SALL3: variants seen among roughly 807,000 people sequenced by gnomAD.
SALL3 encodes spalt like transcription factor 3, also known as sal-like protein 3.
Under a neutral mutation model 66.2 loss-of-function variants are expected in SALL3, and 25 were observed. That is an observed-to-expected ratio of 0.38 (90% CI 0.28 to 0.53). The LOEUF is 0.53. Ranked by LOEUF, SALL3 falls within the 20% of genes least tolerant of loss-of-function variation. The pLI is 0.85. For synonymous variants in SALL3, 1,152 were observed against 899.1 expected, an observed-to-expected ratio of 1.28 and a Z score of -5.03; for missense variants, 2,194 against 1,916.5, an observed-to-expected ratio of 1.14 and a Z score of -2.70.
At position 78,991,827 on chromosome 18, in the gene SALL3, C is replaced by T. The variant is rs908389770; in HGVS notation, c.83-247C>T. ...CAGATTGTATGAAAATATTGGAAAT[C>T]AATGGCTTCTATGGAATTTCATTAA... On this transcript the variant is annotated intron_variant, in intron 1 of 2. Coordinates refer to ENST00000537592, the MANE Select transcript of SALL3 (RefSeq NM_171999.4). The T allele has an allele frequency of 9.7e-6, 4 of 413,230 alleles. No individual in the cohort carries two copies. The Admixed American group carries it at 1.3e-4, about 13-fold the overall frequency. The allele number at this position is 413,230 out of a possible 1,614,324, so 25.6% of individuals were successfully genotyped here. A position where few individuals can be genotyped will look rare whatever the true frequency, so the allele number is the denominator to read the frequency against.
rs369156685 is a variant in SALL3 at position 78,993,956 on chromosome 18, G to A, written c.1965G>A (p.Ser655=). ...TTCCGTTCGGGGGGCTGCTAGACTC[G>A]ATGCAAACGTCGGAAACCTCGAAGC... is the stretch of plus-strand genomic sequence containing the variant. The part of the protein sequence containing the change: ...AQFPFGGLLD[S]MQTSETSKLQ... Residue 655 remains serine (S), a synonymous_variant, in exon 2 of 3, where the codon TCG becomes TCA. Coordinates refer to ENST00000537592, the MANE Select transcript of SALL3 (RefSeq NM_171999.4). 1.1e-5 allele frequency: 18 copies of A among 1,611,198 alleles called. No homozygotes were observed. The East Asian group carries it at 1.3e-4, about 12-fold the overall frequency.
rs570309000 is a variant in SALL3 at position 78,993,124 on chromosome 18, T to C, written c.1133T>C (p.Val378Ala). 459 of 1,605,258 alleles carry C rather than the reference T, an allele frequency of 2.9e-4. 4 individuals are homozygous for C. In the South Asian group the frequency reaches 4.8e-3, roughly 17 times the overall value. Residue 378 changes from valine (V) to alanine (A), a missense_variant, in exon 2 of 3, where the codon GTC (valine) becomes GCC (alanine). By Grantham distance (64) the Val-to-Ala change is moderately conservative. Coordinates refer to ENST00000537592, the MANE Select transcript of SALL3 (RefSeq NM_171999.4). ...GGCGTCATCTTCCCCAACCCGCTGG[T>C]CAGCATCGCGGCCACGGCCAACGCT... is the stretch of plus-strand genomic sequence containing the variant. The part of the protein sequence containing the change: ...ASGVIFPNPL[V>A]SIAATANALD...
intron 1 of SALL3, among the ~76,000 whole-genome samples, chr18:78,981,394 G>T (rs1307862890): frequency 2.0e-5 from 3 of 152,216 alleles, no homozygotes; most frequent in Non-Finnish European, 2.9e-5. Context: ...AAAAAAACAG[G>T]CAGGCCAACT....
In SALL3 at chr18:78,994,988, T is replaced by C; in HGVS notation, c.2997T>C (p.His999=). 1 of 1,613,860 alleles carries C rather than the reference T, an allele frequency of 6.2e-7. No individual in the cohort carries two copies. The highest frequency in any genetic ancestry group is 1.3e-5 in the African/African-American group (1 of 75,048). ...KSALEIHYRS[H]TKERPFVCAL... ...CGTTGGAAATCCACTACCGCAGCCA[T>C]ACTAAGGAGCGGCCATTCGTCTGCG... is the stretch of plus-strand genomic sequence containing the variant. The change falls in exon 2 of 3, where the codon CAT becomes CAC. Residue 999 remains histidine (H), a synonymous_variant. Transcript: ENST00000537592.
intron 1 of SALL3, among the ~76,000 whole-genome samples, chr18:78,982,943 A>C (rs1009516656): frequency 3.9e-5 from 6 of 152,244 alleles, no homozygotes; most frequent in African/African-American, 1.2e-4. Flanking sequence ...CACTCACATT[A>C]ATTTACAGCA....
chr18:78,981,072 C>T (rs984642911), intron 1 of SALL3, among the ~76,000 whole-genome samples: 2 of 152,340 alleles, frequency 1.3e-5, no homozygotes, highest in African/African-American at 2.4e-5. Flanking sequence ...CCGCCGAGGC[C>T]GGGCGCTGGA....
chr18:78,990,201 G>T (rs1028040978), intron 1 of SALL3, among the ~76,000 whole-genome samples: 3 of 152,096 alleles, frequency 2.0e-5, no homozygotes, highest in African/African-American at 7.2e-5. Flanking sequence ...CTGTGTCTTT[G>T]CTTCCAGCTA....
chr18:78,993,643 G>C lies in SALL3; in HGVS notation c.1652G>C (p.Arg551Pro). 2 of 1,587,478 alleles carry C rather than the reference G, an allele frequency of 1.3e-6. No homozygotes were observed. The highest frequency in any genetic ancestry group is 1.7e-6 in the Non-Finnish European group (2 of 1,174,316). The part of the protein sequence containing the change: ...ADSPSATPAS[R>P]SPQRPSPASS... Reference sequence around the variant, plus strand: ...TCTCCCAGCGCCACCCCAGCCAGCCGCTCCCCGCAGAGGCCCTCGCCCGCC... The same window carrying C: ...TCTCCCAGCGCCACCCCAGCCAGCCCCTCCCCGCAGAGGCCCTCGCCCGCC... The change falls in exon 2 of 3, where the codon CGC becomes CCC. Residue 551 changes from arginine (R) to proline (P), a missense_variant. Transcript: ENST00000537592.
Position 78,994,740 on chromosome 18 carries a change from T to C in SALL3, c.2749T>C (p.Ser917Pro). The C allele has an allele frequency of 6.2e-7, 1 of 1,602,632 alleles. No homozygotes were observed. The highest frequency in any genetic ancestry group is 8.5e-7 in the Non-Finnish European group (1 of 1,179,008). ...PAPSNGESFR[S>P]KSPGLGAPEE... ...CCCCAGCAATGGTGAGAGCTTCCGCTCCAAGTCCCCGGGCCTGGGCGCCCC... is the reference window on the plus strand; with the variant it reads ...CCCCAGCAATGGTGAGAGCTTCCGCCCCAAGTCCCCGGGCCTGGGCGCCCC... Residue 917 changes from serine to proline, a missense_variant, in exon 2 of 3, where the codon TCC (serine) becomes CCC (proline). Ser to Pro is a moderately conservative substitution (Grantham distance 74). Coordinates refer to ENST00000537592, the MANE Select transcript of SALL3 (RefSeq NM_171999.4).
chr18:78,997,546 A>G lies in SALL3; in HGVS notation c.*224A>G. 1.9e-6 allele frequency: 1 copy of G among 538,056 alleles called. No homozygotes were observed. The highest frequency in any genetic ancestry group is 3.2e-6 in the Non-Finnish European group (1 of 308,640). The allele number at this position is 538,056 out of a possible 1,614,324, so 33.3% of individuals were successfully genotyped here. A position where few individuals can be genotyped will look rare whatever the true frequency, so the allele number is the denominator to read the frequency against. Reference sequence around the variant, plus strand: ...AATCTTTTAAATAAGCTTCCTTCAAAAAAAAAAGTGCTTGGAAAACCGCCT... The same window carrying G: ...AATCTTTTAAATAAGCTTCCTTCAAGAAAAAAAGTGCTTGGAAAACCGCCT... On this transcript the variant is annotated 3_prime_UTR_variant, in exon 3 of 3. Transcript: ENST00000537592.
At chr18:78,985,347 C>T (rs1313803967) in intron 1 of SALL3, among the ~76,000 whole-genome samples, 2 of 152,206 alleles carry the variant, frequency 1.3e-5, no homozygotes, top group Non-Finnish European at 2.9e-5. Flanking sequence ...GAGAAAACGG[C>T]TTTCTTTTGT....
rs768181622 is a variant in SALL3, at chr18:78,993,455, G to A, written c.1464G>A (p.Leu488=). 2 of 1,612,888 alleles carry A rather than the reference G, an allele frequency of 1.2e-6. No individual in the cohort carries two copies. The highest frequency in any genetic ancestry group is 1.7e-5 in the Admixed American group (1 of 60,004). The stretch of plus-strand genomic sequence containing the variant: ...ACCCTTACCCGGTCCCCGAGTACCT[G>A]GACAACGTGCCCACCTGCTCGGGCA... ...QMNPYPVPEY[L]DNVPTCSGIP... The change falls in exon 2 of 3, where the codon CTG becomes CTA. Residue 488 remains leucine, a synonymous_variant. Coordinates refer to ENST00000537592, the MANE Select transcript of SALL3 (RefSeq NM_171999.4).
rs755764613 is a variant in SALL3 at position 78,992,737 on chromosome 18, G to A, written c.746G>A (p.Ser249Asn). The A allele has an allele frequency of 3.9e-5, 52 of 1,326,216 alleles. 2 individuals are homozygous for A. In the South Asian group the frequency reaches 6.8e-4, roughly 17 times the overall value. 82.2% of individuals were successfully genotyped at this position (1,326,216 alleles called of 1,614,324 possible). ...TCACTCAGCCCCGCGGCCGCCCCGA[G>A]CGCACCGGGCCCGGCCCCCAGCCAG... The part of the protein sequence containing the change: ...RPSLSPAAAP[S>N]APGPAPSQLP... Residue 249 changes from serine (S) to asparagine (N), a missense_variant, in exon 2 of 3, where the codon AGC becomes AAC. Coordinates refer to ENST00000537592, the MANE Select transcript of SALL3 (RefSeq NM_171999.4).
rs200849150 is a variant in SALL3 at position 78,994,550 on chromosome 18, C to T, written c.2559C>T (p.Val853=). Residue 853 remains valine (V), a synonymous_variant, in exon 2 of 3, where the codon GTC becomes GTT. Transcript: ENST00000537592. ...LENQMKMIDS[V]MSCQQLTGLK... ...ACCAGATGAAGATGATCGACTCGGT[C>T]ATGAGCTGCCAGCAGCTGACCGGCC... The T allele has an allele frequency of 8.5e-6, 13 of 1,532,562 alleles. No homozygotes were observed. Among genetic ancestry groups the T allele is most frequent in the Non-Finnish European group, 8.8e-7 (1 of 1,132,454 alleles). 94.9% of individuals were successfully genotyped at this position (1,532,562 alleles called of 1,614,324 possible). A position where few individuals can be genotyped will look rare whatever the true frequency, so the allele number is the denominator to read the frequency against.
In SALL3 at chr18:78,994,637, C is replaced by A; in HGVS notation, c.2646C>A (p.Ala882=). ...GCCTGAGCAACGACTCCTCGTCGGC[C>A]GTGGGCGACCTGGAGAGCCGCAGCG... ...SDRLSNDSSS[A]VGDLESRSAG... is the part of the protein sequence containing the mutation. The change falls in exon 2 of 3, where the codon GCC becomes GCA. Residue 882 remains alanine (A), a synonymous_variant. Transcript: ENST00000537592. 6.2e-7 allele frequency: 1 copy of A among 1,609,138 alleles called. No individual in the cohort carries two copies. Among genetic ancestry groups the A allele is most frequent in the South Asian group, 1.1e-5 (1 of 90,814 alleles).
intron 1 of SALL3, among the ~76,000 whole-genome samples, chr18:78,987,583 GA>G (rs778269826): frequency 1.9e-4 from 29 of 150,588 alleles, no homozygotes; most frequent in Non-Finnish European, 2.5e-4. Context: ...AAATTAAATG[GA>G]AAAAAAAACT....
In SALL3 at chr18:78,993,912, G is replaced by A. The variant is rs1914576265; in HGVS notation, c.1921G>A (p.Glu641Lys). The A allele has an allele frequency of 4.4e-6, 7 of 1,600,600 alleles. No individual in the cohort carries two copies. The highest frequency in any genetic ancestry group is 1.1e-5 in the South Asian group (1 of 89,422). Residue 641 changes from glutamate to lysine, a missense_variant, in exon 2 of 3, where the codon GAG (glutamate) becomes AAG (lysine). By Grantham distance (56) the Glu-to-Lys change is moderately conservative (BLOSUM62 1). Transcript: ENST00000537592. ...CAGCCCCGGGCTGCCCGCCGTCTCC[G>A]AGCAGTTCAAGGCCCAGTTTCCGTT... ...LGSPGLPAVS[E>K]QFKAQFPFGG...
At chr18:78,988,484 A>G (rs940200523) in intron 1 of SALL3, among the ~76,000 whole-genome samples, 2 of 152,242 alleles carry the variant, frequency 1.3e-5, no homozygotes, top group African/African-American at 4.8e-5. Context: ...TCTAGTTCTC[A>G]GGAAACTCTG....
chr18:78,992,698 C>T lies in SALL3; in HGVS notation c.707C>T (p.Pro236Leu), dbSNP rs760650997. 2 of 1,506,978 alleles carry T rather than the reference C, an allele frequency of 1.3e-6. No individual in the cohort carries two copies. The highest frequency in any genetic ancestry group is 1.8e-6 in the Non-Finnish European group (2 of 1,131,794). The allele number at this position is 1,506,978 out of a possible 1,614,324, so 93.4% of individuals were successfully genotyped here. A position where few individuals can be genotyped will look rare whatever the true frequency, so the allele number is the denominator to read the frequency against. The change falls in exon 2 of 3, where the codon CCG becomes CTG. Residue 236 changes from proline (P) to leucine (L), a missense_variant. By Grantham distance (98) the Pro-to-Leu change is moderately conservative. Coordinates refer to ENST00000537592, the MANE Select transcript of SALL3 (RefSeq NM_171999.4). ...IRSQVALMQRPPPRPSLSPAA... is the reference protein window; with the variant it reads ...IRSQVALMQRLPPRPSLSPAA... ...AGCCAGGTGGCCCTCATGCAGCGCC[C>T]GCCGCCGCGGCCCTCACTCAGCCCC...
Sources: gnomAD v4.1 joint callset for allele counts (sites outside exome capture counted in the v4.1 genomes callset) on GRCh38, gnomAD v4.1.1 for gene constraint, MANE v1.5 for transcripts, NCBI Gene and HGNC (gene_info 2026-07-23, HGNC 2026-07-21) for gene names.